MDGA2: variants seen among roughly 807,000 people sequenced by gnomAD.
The protein encoded by MDGA2 is MAM domain-containing glycosylphosphatidylinositol anchor protein 2.
A neutral mutation model predicts 117.8 loss-of-function variants in MDGA2; 40 were observed. That is an observed-to-expected ratio of 0.34 (90% CI 0.26 to 0.44). MDGA2 has a LOEUF of 0.44. Among genes scored for constraint, MDGA2 ranks in the 20% least tolerant of loss-of-function variants. The pLI is 1.00. For missense variants in MDGA2, 1,123 were observed against 1,250.6 expected, an observed-to-expected ratio of 0.90 and a Z score of 1.54; for synonymous variants, 452 against 439.0, an observed-to-expected ratio of 1.03 and a Z score of -0.37.
At position 47,609,438 on chromosome 14, in the gene MDGA2, T is replaced by TATATAC. The variant is rs1555336028; in HGVS notation, c.280+65078_280+65079insGTATAT. 1.3e-4 allele frequency among the ~76,000 whole-genome samples: 11 copies of TATATAC among 85,492 alleles called. 1 individual carries two copies. Among genetic ancestry groups the TATATAC allele is most frequent in the South Asian group, 3.7e-4 (1 of 2,684 alleles). 56.1% of individuals were successfully genotyped at this position (85,492 alleles called of 152,430 possible). On this transcript the variant is annotated intron_variant, in intron 1 of 16. Coordinates refer to ENST00000399232, the MANE Select transcript of MDGA2 (RefSeq NM_001113498.3). ...TGAGTAGTATTCCATCATATATATA[T>TATATAC]ATATATATATATATATATATATATA...
At chr14:46,867,680 C>T (rs1404209792) in intron 14 of MDGA2, among the ~76,000 whole-genome samples, 1 of 151,910 alleles carries the variant, frequency 6.6e-6, no homozygotes, top group Non-Finnish European at 1.5e-5. Context: ...TTATTTTATC[C>T]TGTATTATGG....
chr14:47,134,777 C>CTATATATATATATATATATA (rs146851138), intron 4 of MDGA2, among the ~76,000 whole-genome samples: 2 of 145,906 alleles, frequency 1.4e-5, no homozygotes, highest in African/African-American at 5.0e-5. Context: ...CACACACACA[C>CTATATATATATATATATATA]TATATATATA....
intron 10 of MDGA2, 152 bp downstream of exon 10, chr14:46,919,860 G>A (rs1858171294): frequency 8.3e-6 from 5 of 602,472 alleles, no homozygotes; most frequent in East Asian, 3.3e-5. Flanking sequence ...AATATACATA[G>A]GGTGAAAACA....
At chr14:46,946,143 G>A (rs1885165106) in intron 9 of MDGA2, among the ~76,000 whole-genome samples, 1 of 151,962 alleles carries the variant, frequency 6.6e-6, no homozygotes, top group South Asian at 2.1e-4. Flanking sequence ...TAAAAATTAA[G>A]GTATGAGATC....
intron 7 of MDGA2, among the ~76,000 whole-genome samples, chr14:47,051,750 A>G (rs1347183308): frequency 6.6e-6 from 1 of 151,922 alleles, no homozygotes; most frequent in Non-Finnish European, 1.5e-5. Context: ...ACTACCACAT[A>G]GAAGAAAATG....
rs781602070 is a variant in MDGA2, at chr14:46,840,795, C to CT, written c.*1135dup. 1 of 152,472 alleles carries CT rather than the reference C, an allele frequency of 6.6e-6. No homozygotes were observed. The highest frequency in any genetic ancestry group is 1.5e-5 in the Non-Finnish European group (1 of 67,988). 9.4% of individuals were successfully genotyped at this position (152,472 alleles called of 1,614,324 possible). ...TTCTGCACTAAGTATTCTTAATAAC[C>CT]TTTTGCTCTGGTTGACCCATTTAAT... On this transcript the variant is annotated 3_prime_UTR_variant, in exon 17 of 17. Transcript: ENST00000399232.
chr14:47,172,777 C>G (rs574964566), intron 3 of MDGA2, among the ~76,000 whole-genome samples: 1 of 152,294 alleles, frequency 6.6e-6, no homozygotes, highest in Admixed American at 6.5e-5. Flanking sequence ...TCCTCACTAG[C>G]AACGGAACAA....
rs60903573 is a variant in MDGA2 at position 46,994,514 on chromosome 14, AACACACAC to A, written c.1820-36879_1820-36872del. 1.5e-3 allele frequency among the ~76,000 whole-genome samples: 221 copies of A among 150,078 alleles called. 1 individual carries two copies. Among genetic ancestry groups the A allele is most frequent in the South Asian group, 4.2e-3 (20 of 4,730 alleles). On this transcript the variant is annotated intron_variant, in intron 8 of 16. Coordinates refer to ENST00000399232, the MANE Select transcript of MDGA2 (RefSeq NM_001113498.3). ...TAAAAGGCAAACATGCACACATACA[AACACACAC>A]ACACACACACACACACACACTCAAA...
intron 1 of MDGA2, among the ~76,000 whole-genome samples, chr14:47,494,704 G>T (rs1894242390): frequency 6.6e-6 from 1 of 151,776 alleles, no homozygotes; most frequent in Admixed American, 6.6e-5. Flanking sequence ...GTTTGTATAT[G>T]GTGAGAGAGA....
chr14:47,612,771 T>C (rs907348798), intron 1 of MDGA2, among the ~76,000 whole-genome samples: 1 of 152,192 alleles, frequency 6.6e-6, no homozygotes, highest in African/African-American at 2.4e-5. Flanking sequence ...AGAAATTAAG[T>C]GTACTTTATA....
intron 9 of MDGA2, among the ~76,000 whole-genome samples, chr14:46,950,772 G>A (rs1885343706): frequency 6.6e-6 from 1 of 150,970 alleles, no homozygotes; most frequent in Non-Finnish European, 1.5e-5. Flanking sequence ...ACATTATTAA[G>A]AAAGAAGTAT....
At chr14:47,492,753 C>G (rs1894197656) in intron 1 of MDGA2, among the ~76,000 whole-genome samples, 1 of 151,960 alleles carries the variant, frequency 6.6e-6, no homozygotes, top group Non-Finnish European at 1.5e-5. Flanking sequence ...CAGGAACATA[C>G]AAGAAATTTT....
intron 6 of MDGA2, among the ~76,000 whole-genome samples, chr14:47,078,001 A>G (rs1000748683): frequency 6.6e-6 from 1 of 152,134 alleles, no homozygotes; most frequent in African/African-American, 2.4e-5. Flanking sequence ...GGCTTAAAAC[A>G]TCAGGCCAAG....
intron 1 of MDGA2, among the ~76,000 whole-genome samples, chr14:47,597,447 CG>C (rs754750330): frequency 4.0e-5 from 6 of 151,606 alleles, no homozygotes; most frequent in Admixed American, 1.3e-4. Context: ...CAATAATGAA[CG>C]TAAGTTAATA....
At chr14:47,395,839 T>A (rs974398168) in intron 1 of MDGA2, among the ~76,000 whole-genome samples, 2 of 152,172 alleles carry the variant, frequency 1.3e-5, no homozygotes, top group Non-Finnish European at 2.9e-5. Context: ...TTTAAGTTTG[T>A]TACAATACTC....
chr14:47,352,226 T>A (rs966259612), intron 1 of MDGA2, among the ~76,000 whole-genome samples: 2 of 152,158 alleles, frequency 1.3e-5, no homozygotes, highest in Non-Finnish European at 2.9e-5. Context: ...CCCATTACTT[T>A]AGTCAAGCCC....
At chr14:47,286,030 CTG>C (rs151238015) in intron 2 of MDGA2, among the ~76,000 whole-genome samples, 3 of 150,160 alleles carry the variant, frequency 2.0e-5, no homozygotes, top group Admixed American at 6.7e-5. Context: ...TATTGTGTGT[CTG>C]TGTGTGTGTG....
At chr14:47,659,088 T>G (rs1897797994) in intron 1 of MDGA2, among the ~76,000 whole-genome samples, 1 of 152,176 alleles carries the variant, frequency 6.6e-6, no homozygotes, top group Non-Finnish European at 1.5e-5. Flanking sequence ...TCTGCTTTGA[T>G]CTATTCTATT....
chr14:46,863,647 T>C (rs575954017), intron 14 of MDGA2, among the ~76,000 whole-genome samples: 16 of 152,180 alleles, frequency 1.1e-4, no homozygotes, highest in Non-Finnish European at 1.5e-4. Context: ...TAGACTTATA[T>C]GGTTTGAAGT....
Sources: gnomAD v4.1 joint callset for allele counts (sites outside exome capture counted in the v4.1 genomes callset) on GRCh38, gnomAD v4.1.1 for gene constraint, MANE v1.5 for transcripts, NCBI Gene and HGNC (gene_info 2026-07-23, HGNC 2026-07-21) for gene names.